PCSK6: variants seen among roughly 807,000 people sequenced by gnomAD.
PCSK6 encodes proprotein convertase subtilisin/kexin type 6.
Under a neutral mutation model 123.3 loss-of-function variants are expected in PCSK6, and 85 were observed. That is an observed-to-expected ratio of 0.69 (90% CI 0.58 to 0.83). PCSK6 has a LOEUF of 0.83. Among genes scored for constraint, PCSK6 ranks in the 40% least tolerant of loss-of-function variants. The probability of loss-of-function intolerance (pLI) is 0.00; values close to 1 mark genes in which losing one functional copy is unlikely to be tolerated. For synonymous variants in PCSK6, 508 were observed against 516.0 expected, an observed-to-expected ratio of 0.98 and a Z score of 0.21; for missense variants, 1,191 against 1,282.3, an observed-to-expected ratio of 0.93 and a Z score of 1.09.
chr15:101,351,899 C>T (rs754766886), intron 13 of PCSK6, among the ~76,000 whole-genome samples: 7 of 152,040 alleles, frequency 4.6e-5, no homozygotes, highest in South Asian at 4.1e-4. Flanking sequence ...CAGGACCTAC[C>T]GCCTATTTTA....
chr15:101,323,159 A>G (rs1286692702), intron 17 of PCSK6, among the ~76,000 whole-genome samples: 1 of 152,104 alleles, frequency 6.6e-6, no homozygotes, highest in African/African-American at 2.4e-5. Context: ...ACCACCATGC[A>G]CCACTCCTAA....
At chr15:101,346,953 A>C (rs959448727) in intron 13 of PCSK6, 78 of 1,231,538 alleles carry the variant, frequency 6.3e-5, no homozygotes, top group Non-Finnish European at 7.5e-5. Flanking sequence ...GAAAGGCGTC[A>C]CTGTCACGGC....
In PCSK6 at chr15:101,370,453, G is replaced by T. The variant is rs754293880; in HGVS notation, c.1603C>A (p.Arg535=). The T allele has an allele frequency of 1.3e-6, 2 of 1,550,674 alleles. No homozygotes were observed. Among genetic ancestry groups the T allele is most frequent in the East Asian group, 2.4e-5 (1 of 40,902 alleles). The part of the protein sequence containing the change: ...TSACAEHSDQ[R]VVYLEHVVVR... ...ACCACGTGCTCCAAGTAGACCACCC[G>T]CTGGTCCGAGTGCTCCGCGCAGGCG... The change falls in exon 12 of 22, where the codon CGG becomes AGG. Residue 535 remains arginine, a synonymous_variant. Coordinates refer to ENST00000611716, the MANE Select transcript of PCSK6 (RefSeq NM_002570.5).
At chr15:101,375,469 C>T (rs2041707982) in intron 11 of PCSK6, among the ~76,000 whole-genome samples, 1 of 152,170 alleles carries the variant, frequency 6.6e-6, no homozygotes, top group Admixed American at 6.5e-5. Context: ...AAGATGCCTT[C>T]CAATTCTAAC....
intron 11 of PCSK6, among the ~76,000 whole-genome samples, chr15:101,375,074 T>A (rs1596253707): frequency 6.6e-6 from 1 of 152,074 alleles, no homozygotes; most frequent in African/African-American, 2.4e-5. Flanking sequence ...CGCCTCAGAC[T>A]CCTGAGTAGC....
chr15:101,478,639 T>C (rs1319557245), intron 1 of PCSK6, among the ~76,000 whole-genome samples: 3 of 152,100 alleles, frequency 2.0e-5, no homozygotes, highest in Non-Finnish European at 4.4e-5. Context: ...GGATGCTAGG[T>C]GTGTCCAGAC....
At chr15:101,310,056 C>T (rs914741067) in intron 20 of PCSK6, among the ~76,000 whole-genome samples, 4 of 152,254 alleles carry the variant, frequency 2.6e-5, no homozygotes, top group African/African-American at 4.8e-5. Flanking sequence ...ACGGCCACGG[C>T]GTCCACCAGC....
At chr15:101,370,969 G>A (rs4965380) in intron 11 of PCSK6, among the ~76,000 whole-genome samples, 21,718 of 152,134 alleles carry the variant, frequency 0.14, 2,212 homozygotes, top group East Asian at 0.35. Flanking sequence ...TATACAAAGT[G>A]GGGGGAGGGG....
intron 10 of PCSK6, chr15:101,384,030 T>C (rs943551074): frequency 3.5e-6 from 3 of 846,646 alleles, no homozygotes; most frequent in African/African-American, 3.7e-5. Context: ...TCATTGCTCC[T>C]GGCTTAAAGA....
chr15:101,338,399 T>C (rs2040530774), intron 13 of PCSK6, among the ~76,000 whole-genome samples: 1 of 151,966 alleles, frequency 6.6e-6, no homozygotes, highest in Non-Finnish European at 1.5e-5. Context: ...CAGGACAGGC[T>C]CCCCAGGCCG....
In PCSK6 at chr15:101,393,316, C is replaced by T. The variant is rs373612366; in HGVS notation, c.1105G>A (p.Val369Ile). 1.3e-4 allele frequency: 208 copies of T among 1,609,432 alleles called. No individual in the cohort carries two copies. In the South Asian group the frequency reaches 1.5e-3, roughly 11 times the overall value. ...TAGCCATTCTCGGTGGCGCTGCTGA[C>T]GGAGATGGTGTAGATGCTGTTGGTG... ...GYTNSIYTIS[V>I]SSATENGYKP... Residue 369 changes from valine to isoleucine, a missense_variant, in exon 8 of 22, where the codon GTC becomes ATC. By Grantham distance (29) the Val-to-Ile change is conservative. Transcript: ENST00000611716.
chr15:101,384,892 G>T (rs910693610), intron 9 of PCSK6, among the ~76,000 whole-genome samples: 33 of 152,200 alleles, frequency 2.2e-4, no homozygotes, highest in African/African-American at 7.7e-4. Context: ...TTTTATATAT[G>T]ATTCTAAATT....
At position 101,396,447 on chromosome 15, in the gene PCSK6, G is replaced by A. The variant is rs559965364; in HGVS notation, c.996+1957C>T. 3.3e-5 allele frequency among the ~76,000 whole-genome samples: 5 copies of A among 152,248 alleles called. No homozygotes were observed. The South Asian group carries it at 8.3e-4, about 25-fold the overall frequency. ...AAATCATCCCGTAGAAATGACAGAC[G>A]CTCAGCAGGAACACCATCCAAAGCA... On this transcript the variant is annotated intron_variant, in intron 7 of 21. Coordinates refer to ENST00000611716, the MANE Select transcript of PCSK6 (RefSeq NM_002570.5).
At chr15:101,356,505 CAA>C (rs34350017) in intron 13 of PCSK6, among the ~76,000 whole-genome samples, 8,344 of 86,310 alleles carry the variant, frequency 0.097, 463 homozygotes, top group African/African-American at 0.23. Flanking sequence ...ACTAAAACTA[CAA>C]AAAAAAAAAA....
rs553024581 is a variant in PCSK6, at chr15:101,451,376, G to A, written c.298-7716C>T. Among the ~76,000 whole-genome samples, 7 of 152,226 alleles carry A rather than the reference G, an allele frequency of 4.6e-5. No individual in the cohort carries two copies. In the East Asian group the frequency reaches 7.7e-4, roughly 17 times the overall value. ...AGTTCGTAGCCCTCGAGCAGGCTGC[G>A]TTGTTGGTGGGGGTGGGTCGGCTAA... On this transcript the variant is annotated intron_variant, in intron 1 of 21. Transcript: ENST00000611716.
At chr15:101,436,908 G>A (rs1382873269) in intron 2 of PCSK6, among the ~76,000 whole-genome samples, 2 of 152,212 alleles carry the variant, frequency 1.3e-5, no homozygotes, top group Non-Finnish European at 2.9e-5. Context: ...ACTGCATAAT[G>A]TGCAACGTGG....
chr15:101,427,413 A>T (rs1004712785), intron 6 of PCSK6, among the ~76,000 whole-genome samples: 2 of 152,190 alleles, frequency 1.3e-5, no homozygotes, highest in African/African-American at 4.8e-5. Flanking sequence ...GGAAGACCAG[A>T]TGTGTCTAAG....
At chr15:101,406,848 A>G (rs1326037431) in intron 6 of PCSK6, among the ~76,000 whole-genome samples, 1 of 151,760 alleles carries the variant, frequency 6.6e-6, no homozygotes, top group African/African-American at 2.4e-5. Context: ...GAGCCACTCC[A>G]CCTCCTTCTA....
At chr15:101,351,346 A>C (rs2040885915) in intron 13 of PCSK6, among the ~76,000 whole-genome samples, 1 of 152,252 alleles carries the variant, frequency 6.6e-6, no homozygotes, top group South Asian at 2.1e-4. Context: ...AAAACTGAAG[A>C]GATATTCTTT....
Sources: gnomAD v4.1 joint callset for allele counts (sites outside exome capture counted in the v4.1 genomes callset) on GRCh38, gnomAD v4.1.1 for gene constraint, MANE v1.5 for transcripts, NCBI Gene and HGNC (gene_info 2026-07-23, HGNC 2026-07-21) for gene names.